DHRS4L2: variants seen among roughly 807,000 people sequenced by gnomAD.
DHRS4L2 encodes dehydrogenase/reductase SDR family member 4-like 2.
DHRS4L2 carries 22 observed loss-of-function variants against 23.9 expected under a neutral mutation model. The ratio of observed to expected loss-of-function variants is 0.92; its 90% CI spans 0.66 to 1.31. DHRS4L2 has a LOEUF of 1.31. Among genes scored for constraint, DHRS4L2 ranks in the 40% most tolerant of loss-of-function variants. The probability of loss-of-function intolerance (pLI) is 0.00; values close to 1 mark genes in which losing one functional copy is unlikely to be tolerated. For synonymous variants in DHRS4L2, 141 were observed against 123.7 expected, an observed-to-expected ratio of 1.14 and a Z score of -0.93; for missense variants, 385 against 303.3, an observed-to-expected ratio of 1.27 and a Z score of -2.00.
chr14:24,001,107 C>T, intron 5 of DHRS4L2, 23 bp downstream of exon 5: 1 of 1,610,476 alleles, frequency 6.2e-7, no homozygotes, highest in Non-Finnish European at 8.5e-7. Flanking sequence ...TTGTCTACCT[C>T]TTCCATCCCA....
At chr14:23,987,213 C>T, upstream of DHRS4L2, 1 of 368,232 alleles carries the variant, frequency 2.7e-6, no homozygotes, top group Non-Finnish European at 5.4e-6. Flanking sequence ...TCACTGCAAG[C>T]TCCGCATCCC....
chr14:23,993,636 C>G (rs1378640589), intron 2 of DHRS4L2, among the ~76,000 whole-genome samples: 1 of 151,714 alleles, frequency 6.6e-6, no homozygotes, highest in Non-Finnish European at 1.5e-5. Flanking sequence ...GCACACGCCT[C>G]ACTATCTACT....
At chr14:23,993,944 G>C (rs1299948293) in intron 2 of DHRS4L2, among the ~76,000 whole-genome samples, 1 of 151,528 alleles carries the variant, frequency 6.6e-6, no homozygotes, top group Admixed American at 6.6e-5. Context: ...GACTAGCTTT[G>C]TGCCCTGAAA....
In DHRS4L2 at chr14:23,994,182, T is replaced by G. The variant is rs1294806835; in HGVS notation, c.307-850T>G. Among the ~76,000 whole-genome samples, 2 of 151,762 alleles carry G rather than the reference T, an allele frequency of 1.3e-5. 1 individual carries two copies. The highest frequency in any genetic ancestry group is 2.9e-5 in the Non-Finnish European group (2 of 67,930). ...TTCAGGTAAGTGTGGACAGATTGACTTTGAGATAATGGTAACTTATTCAGG... is the reference window on the plus strand; with the variant it reads ...TTCAGGTAAGTGTGGACAGATTGACGTTGAGATAATGGTAACTTATTCAGG... On this transcript the variant is annotated intron_variant, in intron 2 of 7. Coordinates refer to ENST00000335125, the MANE Select transcript of DHRS4L2 (RefSeq NM_198083.4).
chr14:23,990,219 A>T lies in DHRS4L2; in HGVS notation c.166A>T (p.Arg56Trp). The change falls in exon 2 of 8, where the codon AGG (arginine) becomes TGG (tryptophan). Residue 56 changes from arginine (R) to tryptophan (W), a missense_variant. Physicochemically the swap from Arg to Trp is moderately radical, Grantham distance 101. Coordinates refer to ENST00000335125, the MANE Select transcript of DHRS4L2 (RefSeq NM_198083.4). ...FAIARRLAQD[R>W]AHVVVSSRKQ... The stretch of plus-strand genomic sequence containing the variant: ...CATCGCCCGGCGTTTGGCCCAGGAC[A>T]GGGCCCACGTGGTCGTCAGCAGCCG... 2 of 1,611,960 alleles carry T rather than the reference A, an allele frequency of 1.2e-6. No homozygotes were observed. Among genetic ancestry groups the T allele is most frequent in the East Asian group, 2.2e-5 (1 of 44,880 alleles).
At chr14:23,972,445 G>C (rs1025864101) in intron 1 of DHRS4L2, among the ~76,000 whole-genome samples, 13 of 151,868 alleles carry the variant, frequency 8.6e-5, no homozygotes, top group Non-Finnish European at 1.5e-4. Flanking sequence ...AGACCTTCAC[G>C]GTGAGTGTTA....
intron 1 of DHRS4L2, among the ~76,000 whole-genome samples, chr14:23,972,994 G>A (rs2033893586): frequency 1.3e-5 from 2 of 151,912 alleles, no homozygotes; most frequent in South Asian, 2.1e-4. Flanking sequence ...CCACCATAGG[G>A]CAGTTTTTCT....
Position 23,989,060 on chromosome 14 carries a change from C to T in DHRS4L2, c.113C>T (p.Thr38Met), listed in dbSNP as rs560762322. The change falls in exon 1 of 8, where the codon ACG becomes ATG. Residue 38 changes from threonine to methionine, a missense_variant. By Grantham distance (81) the Thr-to-Met change is moderately conservative. Coordinates refer to ENST00000335125, the MANE Select transcript of DHRS4L2 (RefSeq NM_198083.4). ...DPLTNKVALV[T>M]ASTDGIGFAI... Reference sequence around the variant, plus strand: ...CTCACAAATAAGGTGGCCCTGGTAACGGCCTCCACCGACGGGTGAGTGTTG... The same window carrying T: ...CTCACAAATAAGGTGGCCCTGGTAATGGCCTCCACCGACGGGTGAGTGTTG... 1.1e-5 allele frequency: 17 copies of T among 1,578,932 alleles called. No homozygotes were observed. In the African/African-American group the frequency reaches 1.8e-4, roughly 16 times the overall value.
intron 3 of DHRS4L2, among the ~76,000 whole-genome samples, chr14:23,998,374 G>C (rs1378535382): frequency 2.1e-4 from 31 of 151,058 alleles, no homozygotes; most frequent in Admixed American, 2.0e-3. Flanking sequence ...GTCCTTTGAA[G>C]TTTTGAAGCC....
intron 7 of DHRS4L2, 67 bp from the exon 8 acceptor site, chr14:24,005,819 G>A (rs1456881094): frequency 2.0e-5 from 32 of 1,589,484 alleles, no homozygotes; most frequent in Non-Finnish European, 2.5e-5. Context: ...TTAACTCCCC[G>A]TGTCCCAGGT....
At chr14:23,984,732 G>C (rs1482380548), upstream of DHRS4L2, among the ~76,000 whole-genome samples, 1 of 149,572 alleles carries the variant, frequency 6.7e-6, no homozygotes, top group Admixed American at 6.6e-5. Context: ...GCTTGAACCC[G>C]GGAGGCAGAG....
At chr14:23,986,685 C>CCCCT (rs1464595679), upstream of DHRS4L2, among the ~76,000 whole-genome samples, 2 of 151,430 alleles carry the variant, frequency 1.3e-5, no homozygotes, top group African/African-American at 4.9e-5. Context: ...GAACCCTCAG[C>CCCCT]CCCTCAGTGG....
chr14:23,995,074 G>C lies in DHRS4L2; in HGVS notation c.349G>C (p.Ala117Pro). 6.2e-7 allele frequency: 1 copy of C among 1,613,050 alleles called. No homozygotes were observed. Among genetic ancestry groups the C allele is most frequent in the Non-Finnish European group, 8.5e-7 (1 of 1,179,516 alleles). The change falls in exon 3 of 8, where the codon GCT becomes CCT. Residue 117 changes from alanine to proline, a missense_variant. Coordinates refer to ENST00000335125, the MANE Select transcript of DHRS4L2 (RefSeq NM_198083.4). ...HGGIDILVSN[A>P]AVNPFFGSLM... ...AGGTATCGATATCCTAGTCTCCAAT[G>C]CTGCTGTCAACCCTTTCTTTGGAAG...
chr14:23,987,901 C>T (rs10145200), upstream of DHRS4L2, among the ~76,000 whole-genome samples: 49,841 of 151,190 alleles, frequency 0.33, 9,685 homozygotes, highest in East Asian at 0.49. Flanking sequence ...CATAAGCCAT[C>T]CATATTTATT....
chr14:24,002,142 C>G (rs1275227938), intron 6 of DHRS4L2, among the ~76,000 whole-genome samples: 1 of 95,228 alleles, frequency 1.1e-5, no homozygotes. Flanking sequence ...TCCCCCGACC[C>G]CACCACAGTC....
intron 1 of DHRS4L2, among the ~76,000 whole-genome samples, chr14:23,972,894 A>AC (rs1316356072): frequency 2.0e-5 from 3 of 152,016 alleles, no homozygotes; most frequent in Non-Finnish European, 4.4e-5. Flanking sequence ...CTGGACGTGC[A>AC]CGTAAGCCAG....
chr14:23,992,500 C>G (rs2034290444), intron 2 of DHRS4L2, among the ~76,000 whole-genome samples: 1 of 151,254 alleles, frequency 6.6e-6, no homozygotes, highest in Non-Finnish European at 1.5e-5. Flanking sequence ...TGGATACTAC[C>G]CAGTGGCCTC....
chr14:23,972,963 G>A (rs1415714343), intron 1 of DHRS4L2, among the ~76,000 whole-genome samples: 2 of 151,934 alleles, frequency 1.3e-5, no homozygotes, highest in African/African-American at 4.8e-5. Flanking sequence ...AGGCAGCATT[G>A]CTGCAAACAT....
chr14:23,985,255 C>T (rs1217024529), upstream of DHRS4L2, among the ~76,000 whole-genome samples: 2 of 151,554 alleles, frequency 1.3e-5, no homozygotes, highest in Non-Finnish European at 2.9e-5. Flanking sequence ...CCTTTGGCTC[C>T]CTACATTAAA....
Sources: allele counts gnomAD v4.1 joint callset (sites outside exome capture counted in the v4.1 genomes callset), GRCh38; gene constraint gnomAD v4.1.1; transcripts MANE v1.5; gene names NCBI Gene and HGNC (gene_info 2026-07-23, HGNC 2026-07-21).